The following SGCD variants were observed in gnomAD, a reference collection of about 807,000 sequenced individuals.
The protein encoded by SGCD is sarcoglycan delta.
Under a neutral mutation model 36.6 loss-of-function variants are expected in SGCD, and 18 were observed. The observed-to-expected ratio is 0.49, with a 90% confidence interval of 0.34 to 0.73. The LOEUF is 0.73. Among genes scored for constraint, SGCD ranks in the 30% least tolerant of loss-of-function variants. The probability of loss-of-function intolerance (pLI) is 0.01; values close to 1 mark genes in which losing one functional copy is unlikely to be tolerated. For synonymous variants in SGCD, 133 were observed against 130.6 expected (o/e 1.02, Z -0.12); for missense variants, 387 against 346.7 (o/e 1.12, Z -0.92).
intron 4 of SGCD, among the ~76,000 whole-genome samples, chr5:156,563,946 A>G (rs1759373979): frequency 6.6e-6 from 1 of 152,268 alleles, no homozygotes; most frequent in Non-Finnish European, 1.5e-5. Flanking sequence ...TAAATTACAG[A>G]GAGATTTGCC....
At chr5:155,885,925 T>C (rs1342794206) in intron 1 of SGCD, among the ~76,000 whole-genome samples, 3 of 152,224 alleles carry the variant, frequency 2.0e-5, no homozygotes, top group Non-Finnish European at 4.4e-5. Flanking sequence ...GTCCTAACTT[T>C]CCTGACTGAA....
intron 3 of SGCD, among the ~76,000 whole-genome samples, chr5:156,268,107 G>A (rs991050595): frequency 6.6e-6 from 1 of 152,076 alleles, no homozygotes; most frequent in African/African-American, 2.4e-5. Flanking sequence ...CTGTTCTTGC[G>A]TTAGTTTGCT....
intron 7 of SGCD, among the ~76,000 whole-genome samples, chr5:156,699,678 GTCA>G (rs1264515774): frequency 2.0e-5 from 3 of 152,160 alleles, no homozygotes; most frequent in African/African-American, 7.2e-5. Context: ...GGACCTAGCT[GTCA>G]GTTCAGGAAA....
chr5:156,186,009 G>T (rs1288315793), intron 3 of SGCD, among the ~76,000 whole-genome samples: 3 of 149,832 alleles, frequency 2.0e-5, no homozygotes, highest in Non-Finnish European at 1.5e-5. Flanking sequence ...AAATATGGTA[G>T]AAGCATCCTG....
In SGCD at chr5:156,762,870, T is replaced by A. The variant is rs1323313721; in HGVS notation, c.*3480T>A. ...GATATAGCAGGAAAGAAAGCACATT[T>A]CCAAACAGCAGGGAGTAAGCTTACA... On this transcript the variant is annotated 3_prime_UTR_variant, in exon 9 of 9. Transcript: ENST00000337851. 1 of 152,194 alleles carries A rather than the reference T, an allele frequency of 6.6e-6. No homozygotes were observed. Among genetic ancestry groups the A allele is most frequent in the Non-Finnish European group, 1.5e-5 (1 of 68,038 alleles). 9.4% of individuals were successfully genotyped at this position (152,194 alleles called of 1,614,324 possible). A position where few individuals can be genotyped will look rare whatever the true frequency, so the allele number is the denominator to read the frequency against.
At chr5:156,651,053 T>G (rs1164530615) in intron 7 of SGCD, among the ~76,000 whole-genome samples, 1 of 152,114 alleles carries the variant, frequency 6.6e-6, no homozygotes, top group Admixed American at 6.6e-5. Flanking sequence ...GATTTTGATT[T>G]GTGGTGTGCA....
At chr5:156,491,832 C>G (rs1204437989) in intron 3 of SGCD, among the ~76,000 whole-genome samples, 1 of 152,010 alleles carries the variant, frequency 6.6e-6, no homozygotes, top group Non-Finnish European at 1.5e-5. Context: ...TCAAGATTAC[C>G]CTGAGCTCTT....
chr5:156,686,595 T>C (rs551843568), intron 7 of SGCD, among the ~76,000 whole-genome samples: 3 of 152,270 alleles, frequency 2.0e-5, no homozygotes, highest in East Asian at 3.9e-4. Context: ...AGAACAGCCA[T>C]AGTACTTGAT....
intron 1 of SGCD, among the ~76,000 whole-genome samples, chr5:156,073,362 A>G (rs1224519322): frequency 6.6e-6 from 1 of 152,180 alleles, no homozygotes; most frequent in East Asian, 1.9e-4. Context: ...TTTCAAGACC[A>G]GCCTGGGCAA....
chr5:156,375,417 T>A (rs2135025), intron 3 of SGCD, among the ~76,000 whole-genome samples: 9,164 of 116,268 alleles, frequency 0.079, 307 homozygotes, highest in Middle Eastern at 0.21. Flanking sequence ...TTTTTTTTTT[T>A]AAAGAGTACT....
At chr5:156,039,772 C>T (rs1382424051) in intron 1 of SGCD, among the ~76,000 whole-genome samples, 1 of 151,910 alleles carries the variant, frequency 6.6e-6, no homozygotes, top group African/African-American at 2.4e-5. Flanking sequence ...GTTTCAGCAT[C>T]GTGAAAGAGA....
chr5:156,359,614 A>G (rs1054037753), intron 3 of SGCD, among the ~76,000 whole-genome samples: 2 of 152,190 alleles, frequency 1.3e-5, no homozygotes, highest in African/African-American at 2.4e-5. Flanking sequence ...CAGCAGTCTG[A>G]GAAGATACTG....
chr5:156,038,772 G>T (rs1759560290), intron 1 of SGCD, among the ~76,000 whole-genome samples: 2 of 152,132 alleles, frequency 1.3e-5, no homozygotes, highest in African/African-American at 4.8e-5. Context: ...TTTGCACTGT[G>T]TTTCTAGAAA....
At chr5:156,588,988 T>TTGTGTGTGTGTGTG (rs113243314) in intron 4 of SGCD, among the ~76,000 whole-genome samples, 1,560 of 143,106 alleles carry the variant, frequency 0.011, 27 homozygotes, top group East Asian at 0.03. Context: ...GGAATCTATA[T>TTGTGTGTGTGTGTG]TGTGTGTGTG....
chr5:155,835,030 C>T, the SGCD span, among the ~76,000 whole-genome samples: 1 of 25,524 alleles, frequency 3.9e-5, no homozygotes, highest in Non-Finnish European at 7.8e-5. Flanking sequence ...TTTTTTGAGA[C>T]AGAGTCTTTC....
intron 1 of SGCD, among the ~76,000 whole-genome samples, chr5:156,079,544 A>G (rs1475422929): frequency 3.3e-5 from 5 of 152,220 alleles, no homozygotes; most frequent in African/African-American, 1.2e-4. Context: ...CCAGGATACA[A>G]TGAGGGTAAA....
chr5:156,412,945 G>T (rs570195683), intron 3 of SGCD, among the ~76,000 whole-genome samples: 1 of 151,620 alleles, frequency 6.6e-6, no homozygotes, highest in Non-Finnish European at 1.5e-5. Flanking sequence ...ACAGGCGCCC[G>T]CCACCGCGCC....
At chr5:156,277,159 G>A (rs911451799) in intron 3 of SGCD, among the ~76,000 whole-genome samples, 1 of 152,196 alleles carries the variant, frequency 6.6e-6, no homozygotes, top group Non-Finnish European at 1.5e-5. Context: ...GATGGAGAGT[G>A]AGATGGGTCC....
chr5:156,742,127 C>T (rs575654907), intron 7 of SGCD, among the ~76,000 whole-genome samples: 105 of 152,274 alleles, frequency 6.9e-4, no homozygotes, highest in Middle Eastern at 6.8e-3. Flanking sequence ...CCACCCGCCT[C>T]GGCCTCCCAA....
Sources: allele counts gnomAD v4.1 joint callset (sites outside exome capture counted in the v4.1 genomes callset), GRCh38; gene constraint gnomAD v4.1.1; transcripts MANE v1.5; gene names NCBI Gene and HGNC (gene_info 2026-07-23, HGNC 2026-07-21).